Variants in RASGRF1 observed in about 807,000 individuals in gnomAD.
RASGRF1 encodes Ras protein specific guanine nucleotide releasing factor 1.
RASGRF1 carries 40 observed loss-of-function variants against 138.7 expected under a neutral mutation model. The ratio of observed to expected loss-of-function variants is 0.29; its 90% CI spans 0.22 to 0.38. RASGRF1 has a LOEUF of 0.38. Ranked by LOEUF, RASGRF1 falls within the 10% of genes least tolerant of loss-of-function variation. RASGRF1 has a pLI of 1.00. For missense variants in RASGRF1, 1,108 were observed against 1,650.4 expected (o/e 0.67, Z 5.69); for synonymous variants, 614 against 663.2 (o/e 0.93, Z 1.14).
rs1228321002 is a variant in RASGRF1 at position 79,059,302 on chromosome 15, C to CCCTTCCCTTCCCTAT, written c.384-836_384-822dup. On this transcript the variant is annotated intron_variant, in intron 2 of 26. Transcript: ENST00000558480. ...TCCTTCCCTTCCCTTCCCTATCCTT[C>CCCTTCCCTTCCCTAT]CCTTCCCTTCCCTATCCTTCCCTTC... Among the ~76,000 whole-genome samples the CCCTTCCCTTCCCTAT allele has an allele frequency of 3.2e-3, 353 of 110,082 alleles. 7 individuals are homozygous for CCCTTCCCTTCCCTAT. The highest frequency in any genetic ancestry group is 5.1e-3 in the Non-Finnish European group (237 of 46,396). The allele number at this position is 110,082 out of a possible 152,430, so 72.2% of individuals were successfully genotyped here.
chr15:78,962,109 C>T lies in RASGRF1; in HGVS notation c.*35G>A, dbSNP rs778594423. ...ATGTACAGTATCATCTAGCACATGT[C>T]CCCGGGAGCAGCTGGGTCTGGGCTG... is the stretch of plus-strand genomic sequence containing the variant. On this transcript the variant is annotated 3_prime_UTR_variant, in exon 27 of 27. Transcript: ENST00000558480. The T allele has an allele frequency of 1.5e-6, 2 of 1,334,460 alleles. No homozygotes were observed. The highest frequency in any genetic ancestry group is 2.1e-6 in the Non-Finnish European group (2 of 943,728). The allele number at this position is 1,334,460 out of a possible 1,614,324, so 82.7% of individuals were successfully genotyped here.
intron 12 of RASGRF1, 124 bp downstream of exon 12, chr15:79,017,646 T>C (rs1311431714): frequency 8.1e-7 from 1 of 1,239,914 alleles, no homozygotes; most frequent in South Asian, 1.8e-5. Context: ...GATTCTTGCA[T>C]CTTTCTCTGT....
chr15:79,038,208 C>T (rs2057248848), intron 5 of RASGRF1, among the ~76,000 whole-genome samples: 2 of 152,142 alleles, frequency 1.3e-5, no homozygotes. Flanking sequence ...TTTTAGATAA[C>T]CCTGAGTACT....
intron 5 of RASGRF1, among the ~76,000 whole-genome samples, chr15:79,039,320 A>AG: frequency 6.6e-6 from 1 of 151,088 alleles, no homozygotes; most frequent in Non-Finnish European, 1.5e-5. Flanking sequence ...AAAAAAAAAA[A>AG]AAGAAAAATT....
At chr15:78,972,233 T>C (rs547370029) in intron 25 of RASGRF1, among the ~76,000 whole-genome samples, 27 of 152,060 alleles carry the variant, frequency 1.8e-4, no homozygotes, top group Non-Finnish European at 1.5e-5. Context: ...GTAGGTGGGA[T>C]TACAAGTGCA....
intron 23 of RASGRF1, 41 bp downstream of exon 23, chr15:78,984,966 C>T: frequency 6.3e-7 from 1 of 1,592,890 alleles, no homozygotes; most frequent in Non-Finnish European, 8.6e-7. Context: ...TAGCCCCAAT[C>T]CAGCCCCAGG....
chr15:79,010,028 GTTTGT>G lies in RASGRF1; in HGVS notation c.1827-3599_1827-3595del, dbSNP rs1351641762. ...GTGAGCCACTGCACCCAGCCTCTTTGTTTGTTTTTTTTTTTTTTTCTTTTGAGACA... is the reference window on the plus strand; with the variant it reads ...GTGAGCCACTGCACCCAGCCTCTTTGTTTTTTTTTTTTTTCTTTTGAGACA... On this transcript the variant is annotated intron_variant, in intron 13 of 26. Coordinates refer to ENST00000558480, the MANE Select transcript of RASGRF1 (RefSeq NM_001145648.3). 7.2e-3 allele frequency among the ~76,000 whole-genome samples: 1,030 copies of G among 143,356 alleles called. 10 individuals carry two copies. The highest frequency in any genetic ancestry group is 0.025 in the African/African-American group (986 of 39,054). The allele number at this position is 143,356 out of a possible 152,430, so 94.0% of individuals were successfully genotyped here.
chr15:78,971,283 G>A (rs2055754329), intron 26 of RASGRF1, among the ~76,000 whole-genome samples: 1 of 152,168 alleles, frequency 6.6e-6, no homozygotes, highest in African/African-American at 2.4e-5. Flanking sequence ...CATCAATACA[G>A]AGGATTGGCT....
rs775703368 is a variant in RASGRF1 at position 79,032,266 on chromosome 15, C to A, written c.1009G>T (p.Val337Phe). ...TGCAGGCTGTACTGGTGGTTGCGGA[C>A]GAACTCTTGGTAGATGTTGAGCATG... ...LPMLNIYQEFVRNHQYSLQIL... is the reference protein window; with the variant it reads ...LPMLNIYQEFFRNHQYSLQIL... The change falls in exon 7 of 27, where the codon GTC becomes TTC. Residue 337 changes from valine (V) to phenylalanine (F), a missense_variant. Physicochemically the swap from Val to Phe is conservative, Grantham distance 50. Coordinates refer to ENST00000558480, the MANE Select transcript of RASGRF1 (RefSeq NM_001145648.3). This position sits in a 1 kb window ranked among gnomAD's most constrained non-coding sequence, Gnocchi z 4.5. 2 of 1,613,968 alleles carry A rather than the reference C, an allele frequency of 1.2e-6. No individual in the cohort carries two copies. Among genetic ancestry groups the A allele is most frequent in the Admixed American group, 1.7e-5 (1 of 60,002 alleles).
intron 19 of RASGRF1, 106 bp from the exon 20 acceptor site, chr15:78,995,906 C>T (rs2141676092): frequency 6.6e-6 from 7 of 1,061,106 alleles, no homozygotes; most frequent in Admixed American, 1.8e-5. Flanking sequence ...CCTCTGTCCT[C>T]GTCATCCCCA....
chr15:79,035,339 C>G (rs555852236), intron 5 of RASGRF1, 129 bp from the exon 6 acceptor site: 3 of 695,968 alleles, frequency 4.3e-6, no homozygotes, highest in Non-Finnish European at 7.3e-6. Flanking sequence ...AACGTGAAAA[C>G]TGCACCGGCA....
chr15:79,089,522 A>C (rs905198478), intron 1 of RASGRF1, among the ~76,000 whole-genome samples: 7 of 152,162 alleles, frequency 4.6e-5, no homozygotes, highest in Non-Finnish European at 1.0e-4. Flanking sequence ...GGGAGGAGAG[A>C]AGCGCCCACT....
chr15:79,004,921 C>T, intron 14 of RASGRF1: 5 of 982,762 alleles, frequency 5.1e-6, no homozygotes, highest in Non-Finnish European at 6.0e-6. Context: ...AGGTAGGAAA[C>T]TGAGTCTCAG....
chr15:79,051,437 T>C (rs1348857983), intron 3 of RASGRF1, among the ~76,000 whole-genome samples: 1 of 149,760 alleles, frequency 6.7e-6, no homozygotes, highest in African/African-American at 2.5e-5. Context: ...TGATCTGGAC[T>C]CTAAAGGGCT....
chr15:78,963,312 T>C (rs888843621), intron 26 of RASGRF1, among the ~76,000 whole-genome samples: 3 of 152,090 alleles, frequency 2.0e-5, no homozygotes, highest in African/African-American at 7.2e-5. Flanking sequence ...ATTTTCTTTT[T>C]TTTTTTTGAG....
chr15:78,985,293 C>A (rs368264976), intron 22 of RASGRF1, 89 bp from the exon 23 acceptor site: 1 of 1,296,036 alleles, frequency 7.7e-7, no homozygotes, highest in Non-Finnish European at 1.1e-6. Context: ...TGATTGCCTG[C>A]TTGAAAATAC....
chr15:79,021,195 A>C (rs922208410), intron 10 of RASGRF1, among the ~76,000 whole-genome samples: 1 of 152,232 alleles, frequency 6.6e-6, no homozygotes, highest in South Asian at 2.1e-4. Flanking sequence ...GACCCACAGA[A>C]ATTGTGAGGT....
At chr15:79,058,723 C>G (rs747109) in intron 2 of RASGRF1, among the ~76,000 whole-genome samples, 13,215 of 152,258 alleles carry the variant, frequency 0.087, 755 homozygotes, top group Non-Finnish European at 0.13. Flanking sequence ...GAAAGCACAT[C>G]TGTGTTCTTG....
chr15:79,017,438 C>G (rs2056894538), intron 12 of RASGRF1, among the ~76,000 whole-genome samples: 1 of 152,098 alleles, frequency 6.6e-6, no homozygotes. Flanking sequence ...GGTCACATGC[C>G]AACAATTTAG....
Sources: allele counts gnomAD v4.1 joint callset (sites outside exome capture counted in the v4.1 genomes callset), GRCh38; gene constraint gnomAD v4.1.1; non-coding constraint Gnocchi (gnomAD v3.1); transcripts MANE v1.5; gene names NCBI Gene and HGNC (gene_info 2026-07-23, HGNC 2026-07-21).